Variants in SH2D4B observed in about 807,000 individuals in gnomAD.
SH2D4B encodes the protein SH2 domain containing 4B, also known as SH2 domain-containing protein 4B.
Under a neutral mutation model 61.5 loss-of-function variants are expected in SH2D4B, and 45 were observed. The ratio of observed to expected loss-of-function variants is 0.73; its 90% CI spans 0.58 to 0.94. SH2D4B has a LOEUF of 0.94. Among genes scored for constraint, SH2D4B ranks in the 40% least tolerant of loss-of-function variants. The pLI, the probability that SH2D4B is intolerant of heterozygous loss-of-function variation, is 0.00. For missense variants in SH2D4B, 572 were observed against 574.2 expected, an observed-to-expected ratio of 1.00 and a Z score of 0.04; for synonymous variants, 224 against 220.4, an observed-to-expected ratio of 1.02 and a Z score of -0.14.
At chr10:80,630,071 A>C (rs963422821) in intron 6 of SH2D4B, among the ~76,000 whole-genome samples, 9 of 152,222 alleles carry the variant, frequency 5.9e-5, no homozygotes, top group African/African-American at 2.2e-4. Context: ...GAGAGTCTTC[A>C]GAACACGGTA....
At position 80,540,904 on chromosome 10, in the gene SH2D4B, C is replaced by T. The variant is rs1161535688; in HGVS notation, c.184+2389C>T. On this transcript the variant is annotated intron_variant, in intron 1 of 7. Transcript: ENST00000646907. Reference sequence around the variant, plus strand: ...CTTCTCTTCCTTCCCTTGATGTTGCCAGAGGACTCAGGAGGCTCTCCAGAT... The same window carrying T: ...CTTCTCTTCCTTCCCTTGATGTTGCTAGAGGACTCAGGAGGCTCTCCAGAT... 8 of 1,551,582 alleles carry T rather than the reference C, an allele frequency of 5.2e-6. No individual in the cohort carries two copies. In the Admixed American group the frequency reaches 1.2e-4, roughly 23 times the overall value.
intron 4 of SH2D4B, among the ~76,000 whole-genome samples, chr10:80,596,979 TA>T (rs35176672): frequency 0.54 from 81,834 of 151,938 alleles, 24,882 homozygotes; most frequent in African/African-American, 0.84. Context: ...AAAAAAACAA[TA>T]AAAAATAACA....
At chr10:80,613,232 A>G (rs530150516) in intron 6 of SH2D4B, among the ~76,000 whole-genome samples, 1 of 152,308 alleles carries the variant, frequency 6.6e-6, no homozygotes, top group South Asian at 2.1e-4. Flanking sequence ...GTTCATTGTT[A>G]TGTTCCAGGA....
In SH2D4B at chr10:80,634,460, C is replaced by A; in HGVS notation, c.1164C>A (p.Asp388Glu). ...SGDFYSFLGV[D>E]PNRHATLTDL... ...ATTTTTACAGCTTCCTGGGAGTGGA[C>A]CCCAATCGCCATGCAACGCTCACGG... Residue 388 changes from aspartate (D) to glutamate (E), a missense_variant, in exon 7 of 8, where the codon GAC becomes GAA. Physicochemically the swap from Asp to Glu is conservative, Grantham distance 45. Coordinates refer to ENST00000646907, the MANE Select transcript of SH2D4B (RefSeq NM_001388272.1). The A allele has an allele frequency of 1.9e-6, 3 of 1,550,460 alleles. No homozygotes were observed. The highest frequency in any genetic ancestry group is 2.6e-6 in the Non-Finnish European group (3 of 1,146,976).
intron 3 of SH2D4B, among the ~76,000 whole-genome samples, chr10:80,587,135 TTTTTTTTTTTGTTTTG>T (rs1357421500): frequency 0.12 from 7,981 of 66,672 alleles, 488 homozygotes; most frequent in African/African-American, 0.22. Context: ...GCCACGTTTT[TTTTTTTTTTTGTTTTG>T]TTTTTTTTTT....
At chr10:80,570,029 C>A in intron 1 of SH2D4B, 125 bp from the exon 2 acceptor site, 3 of 1,198,528 alleles carry the variant, frequency 2.5e-6, no homozygotes, top group Non-Finnish European at 3.6e-6. Context: ...GTCTCTCTGG[C>A]ATTCTTTTTG....
At chr10:80,619,165 C>T (rs190603207) in intron 6 of SH2D4B, among the ~76,000 whole-genome samples, 103 of 152,252 alleles carry the variant, frequency 6.8e-4, no homozygotes, top group African/African-American at 2.4e-3. Context: ...GAGTTAGGCA[C>T]TGTTGGCCGC....
At chr10:80,604,084 A>G (rs1377571679) in intron 5 of SH2D4B, among the ~76,000 whole-genome samples, 1 of 152,248 alleles carries the variant, frequency 6.6e-6, no homozygotes, top group African/African-American at 2.4e-5. Flanking sequence ...ATATGCATAT[A>G]TAAAGATCTA....
intron 3 of SH2D4B, among the ~76,000 whole-genome samples, chr10:80,572,019 G>C (rs1403311435): frequency 6.6e-6 from 1 of 151,912 alleles, no homozygotes; most frequent in Non-Finnish European, 1.5e-5. Context: ...TGATCCGCCC[G>C]CCTCGGCCTT....
intron 6 of SH2D4B, among the ~76,000 whole-genome samples, chr10:80,619,543 C>T (rs1842694826): frequency 6.6e-6 from 1 of 152,236 alleles, no homozygotes; most frequent in Admixed American, 6.5e-5. Context: ...GGGCTTCTGC[C>T]TCAGTTCCCT....
intron 6 of SH2D4B, among the ~76,000 whole-genome samples, chr10:80,623,149 C>T (rs186526193): frequency 3.8e-4 from 58 of 152,248 alleles, no homozygotes; most frequent in South Asian, 4.1e-4. Context: ...TCCTGACTTC[C>T]GGCAATCCGC....
At chr10:80,640,117 C>T (rs1840263711) in intron 7 of SH2D4B, among the ~76,000 whole-genome samples, 1 of 152,170 alleles carries the variant, frequency 6.6e-6, no homozygotes, top group Non-Finnish European at 1.5e-5. Context: ...ATATTGGCCC[C>T]CACTCTCTTC....
chr10:80,590,359 A>T (rs796459073), intron 4 of SH2D4B, among the ~76,000 whole-genome samples: 74 of 152,302 alleles, frequency 4.9e-4, no homozygotes, highest in African/African-American at 1.6e-3. Context: ...AATGGTTTGC[A>T]TATGAAGGTG....
chr10:80,580,308 G>A (rs1246628868), intron 3 of SH2D4B, among the ~76,000 whole-genome samples: 2 of 152,144 alleles, frequency 1.3e-5, no homozygotes, highest in Non-Finnish European at 2.9e-5. Context: ...TGCTGACCAG[G>A]TTAGCTGAGT....
At chr10:80,629,769 C>T (rs569125598) in intron 6 of SH2D4B, among the ~76,000 whole-genome samples, 5 of 152,120 alleles carry the variant, frequency 3.3e-5, no homozygotes, top group Non-Finnish European at 7.3e-5. Context: ...CTCAAACAGC[C>T]GTAAGACATA....
chr10:80,634,625 C>CA, intron 7 of SH2D4B, 120 bp downstream of exon 7: 2 of 1,417,340 alleles, frequency 1.4e-6, no homozygotes, highest in Non-Finnish European at 1.9e-6. Flanking sequence ...TGGAGGGTCT[C>CA]AGAGATGTAG....
intron 3 of SH2D4B, among the ~76,000 whole-genome samples, chr10:80,576,909 AG>A (rs1842132404): frequency 6.6e-6 from 1 of 152,226 alleles, no homozygotes; most frequent in Non-Finnish European, 1.5e-5. Context: ...CTGGGATTAC[AG>A]GTGCACACCA....
At chr10:80,544,958 C>T (rs543125806) in intron 1 of SH2D4B, among the ~76,000 whole-genome samples, 2 of 152,292 alleles carry the variant, frequency 1.3e-5, no homozygotes, top group South Asian at 2.1e-4. Context: ...ATTCATCTCT[C>T]GGTTGAATGC....
intron 3 of SH2D4B, among the ~76,000 whole-genome samples, chr10:80,578,713 G>A (rs1283797360): frequency 6.6e-6 from 1 of 152,140 alleles, no homozygotes; most frequent in Non-Finnish European, 1.5e-5. Flanking sequence ...GAAGGATGTG[G>A]TCAGATGAAG....
Sources: gnomAD v4.1 joint callset for allele counts (sites outside exome capture counted in the v4.1 genomes callset) on GRCh38, gnomAD v4.1.1 for gene constraint, MANE v1.5 for transcripts, NCBI Gene and HGNC (gene_info 2026-07-23, HGNC 2026-07-21) for gene names.